SBF2: variants seen among roughly 807,000 people sequenced by gnomAD.
The protein encoded by SBF2 is SET binding factor 2, also known as myotubularin-related protein 13.
A neutral mutation model predicts 225.2 loss-of-function variants in SBF2; 112 were observed. The ratio of observed to expected loss-of-function variants is 0.50; its 90% CI spans 0.43 to 0.58. SBF2 has a LOEUF of 0.58. Ranked by LOEUF, SBF2 falls within the 20% of genes least tolerant of loss-of-function variation. The probability of loss-of-function intolerance (pLI) is 0.00; values close to 1 mark genes in which losing one functional copy is unlikely to be tolerated. For synonymous variants in SBF2, 763 were observed against 773.3 expected, an observed-to-expected ratio of 0.99 and a Z score of 0.22; for missense variants, 1,996 against 2,206.2, an observed-to-expected ratio of 0.90 and a Z score of 1.91.
chr11:10,065,734 T>C (rs536765306), intron 2 of SBF2, among the ~76,000 whole-genome samples: 6 of 152,212 alleles, frequency 3.9e-5, no homozygotes, highest in Admixed American at 3.3e-4. Flanking sequence ...GGTGGATCAC[T>C]TGAGGTCAGG....
chr11:9,828,598 C>G (rs754083907), intron 28 of SBF2: 106 of 985,206 alleles, frequency 1.1e-4, no homozygotes, highest in Non-Finnish European at 1.2e-4. Flanking sequence ...AGGGTTACCT[C>G]TACATGAACC....
At chr11:9,951,982 C>T (rs914506582) in intron 16 of SBF2, among the ~76,000 whole-genome samples, 4 of 152,200 alleles carry the variant, frequency 2.6e-5, no homozygotes, top group Non-Finnish European at 5.9e-5. Flanking sequence ...CCTGGGAGAG[C>T]TGTTCTACTG....
chr11:10,160,862 A>G (rs1955697590), intron 2 of SBF2, among the ~76,000 whole-genome samples: 1 of 151,948 alleles, frequency 6.6e-6, no homozygotes, highest in South Asian at 2.1e-4. Flanking sequence ...ATCCTTCAAA[A>G]CTACACGTGT....
At chr11:10,103,765 G>C (rs1366318756) in intron 2 of SBF2, among the ~76,000 whole-genome samples, 1 of 152,300 alleles carries the variant, frequency 6.6e-6, no homozygotes, top group Admixed American at 6.5e-5. Context: ...CAAAACAGGA[G>C]TTAACTGAAT....
At chr11:10,199,982 G>A (rs1021463584) in intron 1 of SBF2, among the ~76,000 whole-genome samples, 1 of 152,162 alleles carries the variant, frequency 6.6e-6, no homozygotes, top group Non-Finnish European at 1.5e-5. Flanking sequence ...TTAAAAGCAG[G>A]ATGTTGGTCA....
chr11:10,154,701 T>C (rs1955383248), intron 2 of SBF2, among the ~76,000 whole-genome samples: 1 of 152,158 alleles, frequency 6.6e-6, no homozygotes, highest in African/African-American at 2.4e-5. Flanking sequence ...ATGCTGTATG[T>C]TTTTTATGTG....
At chr11:9,938,652 A>T (rs1865054944) in intron 16 of SBF2, among the ~76,000 whole-genome samples, 2 of 152,206 alleles carry the variant, frequency 1.3e-5, no homozygotes, top group South Asian at 4.1e-4. Context: ...TAGGAAAATG[A>T]CAAATTATTT....
chr11:9,966,158 T>C (rs1340793704), intron 14 of SBF2, among the ~76,000 whole-genome samples: 2 of 152,176 alleles, frequency 1.3e-5, no homozygotes, highest in Non-Finnish European at 2.9e-5. Context: ...CGATCTTGGC[T>C]CACTGCAACC....
At chr11:9,859,804 T>C (rs1344274834) in intron 17 of SBF2, among the ~76,000 whole-genome samples, 3 of 152,210 alleles carry the variant, frequency 2.0e-5, no homozygotes, top group Non-Finnish European at 4.4e-5. Context: ...GTAGTACCTG[T>C]GTAGTTAGAA....
intron 16 of SBF2, among the ~76,000 whole-genome samples, chr11:9,939,076 C>CTTTATTTTAT (rs201984807): frequency 2.0e-5 from 3 of 151,944 alleles, no homozygotes; most frequent in Middle Eastern, 3.4e-3. Flanking sequence ...TGCTTTATTT[C>CTTTATTTTAT]TTTATTTTAT....
intron 6 of SBF2, among the ~76,000 whole-genome samples, chr11:10,007,992 C>A (rs1195475051): frequency 6.6e-6 from 1 of 152,172 alleles, no homozygotes; most frequent in African/African-American, 2.4e-5. Flanking sequence ...CATACTAGGG[C>A]AAATTCTGTC....
In SBF2 at chr11:9,780,156, ATCT is replaced by A. The variant is rs1370549307; in HGVS notation, c.*259_*261del. The A allele has an allele frequency of 1.5e-5, 7 of 474,592 alleles. No homozygotes were observed. Among genetic ancestry groups the A allele is most frequent in the Non-Finnish European group, 2.7e-5 (7 of 257,898 alleles). The allele number at this position is 474,592 out of a possible 1,614,324, so 29.4% of individuals were successfully genotyped here. On this transcript the variant is annotated 3_prime_UTR_variant, in exon 40 of 40. Coordinates refer to ENST00000256190, the MANE Select transcript of SBF2 (RefSeq NM_030962.4). ...GAGGTTCACAGTTGGCTCAGGAGACATCTTCTGATCATTAACCACTAAGACCCT... is the reference window on the plus strand; with the variant it reads ...GAGGTTCACAGTTGGCTCAGGAGACATCTGATCATTAACCACTAAGACCCT...
chr11:9,885,479 G>C (rs1000772491), intron 17 of SBF2, among the ~76,000 whole-genome samples: 1 of 152,116 alleles, frequency 6.6e-6, no homozygotes, highest in Admixed American at 6.6e-5. Flanking sequence ...GTCTAGGTCT[G>C]TATACTTCAC....
chr11:10,156,665 A>T (rs758864555), intron 2 of SBF2, among the ~76,000 whole-genome samples: 1 of 152,232 alleles, frequency 6.6e-6, no homozygotes, highest in Non-Finnish European at 1.5e-5. Context: ...ACTTCCATTC[A>T]CAATGGCCAC....
chr11:10,118,608 T>C (rs944792608), intron 2 of SBF2, among the ~76,000 whole-genome samples: 9 of 152,220 alleles, frequency 5.9e-5, no homozygotes, highest in African/African-American at 1.4e-4. Flanking sequence ...ATATATCCTC[T>C]TTCTAATGTC....
chr11:9,798,239 G>A (rs1323345936), intron 32 of SBF2, among the ~76,000 whole-genome samples: 1 of 152,076 alleles, frequency 6.6e-6, no homozygotes, highest in East Asian at 1.9e-4. Flanking sequence ...CTGGTTCTCT[G>A]GTCTTCCTGG....
chr11:10,174,996 G>C (rs896666726), intron 2 of SBF2, among the ~76,000 whole-genome samples: 1 of 151,622 alleles, frequency 6.6e-6, no homozygotes, highest in Admixed American at 6.6e-5. Context: ...TGCCCTAAAA[G>C]AGCTCCTGAA....
intron 2 of SBF2, among the ~76,000 whole-genome samples, chr11:10,166,886 C>T (rs909484425): frequency 6.6e-6 from 1 of 151,768 alleles, no homozygotes. Flanking sequence ...CACTTGAGCC[C>T]GGAAGTCAGA....
intron 3 of SBF2, among the ~76,000 whole-genome samples, chr11:10,031,599 G>C (rs1362532755): frequency 1.3e-5 from 2 of 152,146 alleles, no homozygotes; most frequent in African/African-American, 4.8e-5. Flanking sequence ...TTTTCATGTT[G>C]GTTTTTCTAC....
Sources: gnomAD v4.1 joint callset for allele counts (sites outside exome capture counted in the v4.1 genomes callset) on GRCh38, gnomAD v4.1.1 for gene constraint, MANE v1.5 for transcripts, NCBI Gene and HGNC (gene_info 2026-07-23, HGNC 2026-07-21) for gene names.